ZBTB17: variants seen among roughly 807,000 people sequenced by gnomAD.
ZBTB17 encodes the protein zinc finger and BTB domain-containing protein 17.
A neutral mutation model predicts 85.1 loss-of-function variants in ZBTB17; 24 were observed. That is an observed-to-expected ratio of 0.28 (90% CI 0.20 to 0.40). ZBTB17 has a LOEUF of 0.40. Among genes scored for constraint, ZBTB17 ranks in the 10% least tolerant of loss-of-function variants. ZBTB17 has a pLI of 1.00. For synonymous variants in ZBTB17, 464 were observed against 460.2 expected (o/e 1.01, Z -0.11); for missense variants, 743 against 1,105.1 (o/e 0.67, Z 4.65).
Position 15,947,107 on chromosome 1 carries a change from C to G in ZBTB17, c.222G>C (p.Leu74=). ...TCAGCTTGGCCGTGTACATAAACTC[C>G]AGCACCTGCCCCAGGCCTACCAAGG... ...ISNAAGLGQV[L]EFMYTAKLSL... The change falls in exon 4 of 16, where the codon CTG becomes CTC. Residue 74 remains leucine, a synonymous_variant. Coordinates refer to ENST00000375743, the MANE Select transcript of ZBTB17 (RefSeq NM_003443.3). 1.9e-6 allele frequency: 3 copies of G among 1,611,556 alleles called. No individual in the cohort carries two copies. The highest frequency in any genetic ancestry group is 2.5e-6 in the Non-Finnish European group (3 of 1,178,090).
intron 2 of ZBTB17, among the ~76,000 whole-genome samples, chr1:15,954,119 G>A (rs983485252): frequency 5.3e-5 from 8 of 152,194 alleles, no homozygotes; most frequent in African/African-American, 1.9e-4. Flanking sequence ...GACATCTAGA[G>A]CTATTGTCTC....
chr1:15,945,523 G>A (rs960147540), intron 6 of ZBTB17, among the ~76,000 whole-genome samples, 192 bp downstream of exon 6: 13 of 152,234 alleles, frequency 8.5e-5, no homozygotes, highest in African/African-American at 2.9e-4. Flanking sequence ...CACACGGCTA[G>A]CATGGTCAAC....
chr1:15,943,317 C>T, intron 12 of ZBTB17, 82 bp downstream of exon 12: 1 of 1,587,088 alleles, frequency 6.3e-7, no homozygotes, highest in South Asian at 1.1e-5. Context: ...TCAGCTCAGT[C>T]CCCAGCCAAG....
In ZBTB17 at chr1:15,945,138, C is replaced by G; in HGVS notation, c.726G>C (p.Glu242Asp). The change falls in exon 7 of 16, where the codon GAG (glutamate) becomes GAC (aspartate). Residue 242 changes from glutamate to aspartate, a missense_variant. Around this residue, in one of 4 missense-constraint regions of ZBTB17, gnomAD observed 279 missense variants for 269.9 expected, o/e 1.03. Transcript: ENST00000375743. ...EEQKEQEEQE[E>D]EGAGPAEVKE... is the part of the protein sequence containing the mutation. Reference sequence around the variant, plus strand: ...TGACCTCAGCTGGCCCTGCGCCCTCCTCCTCTTGCTCCTCTTGCTCCTTTT... The same window carrying G: ...TGACCTCAGCTGGCCCTGCGCCCTCGTCCTCTTGCTCCTCTTGCTCCTTTT... 6.3e-7 allele frequency: 1 copy of G among 1,582,640 alleles called. No homozygotes were observed. The highest frequency in any genetic ancestry group is 8.6e-7 in the Non-Finnish European group (1 of 1,164,326).
chr1:15,971,512 C>CTA (rs1304206089), intron 2 of ZBTB17, among the ~76,000 whole-genome samples: 1 of 62,506 alleles, frequency 1.6e-5, no homozygotes, highest in East Asian at 7.6e-4. Context: ...TACACACACA[C>CTA]TATATATATA....
intron 2 of ZBTB17, among the ~76,000 whole-genome samples, chr1:15,967,354 C>A (rs1323170428): frequency 6.6e-6 from 1 of 151,794 alleles, no homozygotes; most frequent in African/African-American, 2.4e-5. Context: ...CTAGCCTTGG[C>A]CACAGAGCAA....
intron 5 of ZBTB17, 104 bp from the exon 6 acceptor site, chr1:15,945,944 G>C: frequency 6.4e-7 from 1 of 1,562,622 alleles, no homozygotes; most frequent in Non-Finnish European, 8.7e-7. Context: ...GACCCAGGAG[G>C]GGAGGCCCCA....
intron 2 of ZBTB17, among the ~76,000 whole-genome samples, chr1:15,971,419 A>ATATATATATACACAC (rs1557799484): frequency 2.8e-5 from 3 of 107,350 alleles, no homozygotes; most frequent in African/African-American, 1.2e-4. Context: ...CACACACACT[A>ATATATATATACACAC]TATATATATA....
chr1:15,944,199 G>C (rs1261233795), intron 9 of ZBTB17, 101 bp downstream of exon 9: 2 of 1,468,094 alleles, frequency 1.4e-6, no homozygotes, highest in Non-Finnish European at 9.2e-7. Flanking sequence ...TGAGCTCCTG[G>C]AGGCCGGGGC....
chr1:15,960,447 CA>C (rs2072217127), intron 2 of ZBTB17, among the ~76,000 whole-genome samples: 1 of 152,106 alleles, frequency 6.6e-6, no homozygotes, highest in East Asian at 1.9e-4. Context: ...GAAGAGAGCC[CA>C]ATGCTGTCAT....
At chr1:15,945,894 A>C (rs775310963) in intron 5 of ZBTB17, 54 bp from the exon 6 acceptor site, 1 of 1,567,010 alleles carries the variant, frequency 6.4e-7, no homozygotes, top group Non-Finnish European at 8.6e-7. Flanking sequence ...CAGGGGTCGG[A>C]TACCTCTCCT....
At chr1:15,960,549 G>GC in intron 2 of ZBTB17, among the ~76,000 whole-genome samples, 1 of 152,072 alleles carries the variant, frequency 6.6e-6, no homozygotes, top group Non-Finnish European at 1.5e-5. Context: ...CCAGGAAAAG[G>GC]CCCCCCACAC....
chr1:15,966,350 AT>A lies in ZBTB17; in HGVS notation c.-3+6688del, dbSNP rs1285063870. On this transcript the variant is annotated intron_variant, in intron 2 of 15. Coordinates refer to ENST00000375743, the MANE Select transcript of ZBTB17 (RefSeq NM_003443.3). This position sits in a 1 kb window ranked among gnomAD's most constrained non-coding sequence, Gnocchi z 4.1. ...GGTGCGGCTGGGGTGGGGAGAACAGATTCTACTGCCAGACCTTTCAAGACCA... is the reference window on the plus strand; with the variant it reads ...GGTGCGGCTGGGGTGGGGAGAACAGATCTACTGCCAGACCTTTCAAGACCA... 1.3e-5 allele frequency among the ~76,000 whole-genome samples: 2 copies of A among 152,226 alleles called. No homozygotes were observed. Among genetic ancestry groups the A allele is most frequent in the Admixed American group, 6.5e-5 (1 of 15,280 alleles).
Position 15,945,772 on chromosome 1 carries a change from TGGG to T in ZBTB17, c.601_603del (p.Pro201del). The T allele has an allele frequency of 6.2e-7, 1 of 1,606,352 alleles. No homozygotes were observed. The highest frequency in any genetic ancestry group is 8.5e-7 in the Non-Finnish European group (1 of 1,179,816). ...GCTTCTGCAGCAGCCATGCCACTCG[TGGG>T]GTCTGGCTTGAGCTCCACAGGCGGC... On this transcript the variant is annotated inframe_deletion, in exon 6 of 16. Transcript: ENST00000375743.
chr1:15,942,885 T>C, intron 13 of ZBTB17, 147 bp from the exon 14 acceptor site: 1 of 1,307,752 alleles, frequency 7.6e-7, no homozygotes. Context: ...CTGGTGACAC[T>C]GGCACCTCTG....
At chr1:15,945,293 TG>T in intron 6 of ZBTB17, 91 bp from the exon 7 acceptor site, 1 of 1,500,818 alleles carries the variant, frequency 6.7e-7, no homozygotes, top group Non-Finnish European at 8.9e-7. Context: ...GGACAGTAAA[TG>T]GCCCCAGCAC....
intron 5 of ZBTB17, 101 bp from the exon 6 acceptor site, chr1:15,945,941 G>A (rs2071587981): frequency 6.4e-7 from 1 of 1,562,088 alleles, no homozygotes; most frequent in African/African-American, 1.3e-5. Flanking sequence ...TGTGACCCAG[G>A]AGGGGAGGCC....
intron 1 of ZBTB17, among the ~76,000 whole-genome samples, chr1:15,975,699 G>C (rs2148824326): frequency 6.6e-6 from 1 of 152,228 alleles, no homozygotes; most frequent in African/African-American, 2.4e-5. Context: ...GGGCGGAGAT[G>C]CTACCAGCTG....
At chr1:15,970,104 A>G in intron 2 of ZBTB17, 1 of 648,830 alleles carries the variant, frequency 1.5e-6, no homozygotes, top group Non-Finnish European at 2.8e-6. Flanking sequence ...AAATTACCCA[A>G]CACCACAGTA....
Sources: allele counts gnomAD v4.1 joint callset (sites outside exome capture counted in the v4.1 genomes callset), GRCh38; gene constraint gnomAD v4.1.1; regional missense constraint gnomAD v4.1.1; non-coding constraint Gnocchi (gnomAD v3.1); transcripts MANE v1.5; gene names NCBI Gene and HGNC (gene_info 2026-07-23, HGNC 2026-07-21).